The following WDR97 variants were observed in gnomAD, a reference collection of about 807,000 sequenced individuals.
The protein encoded by WDR97 is WD repeat-containing protein 97.
WDR97 carries 111 observed loss-of-function variants against 65.4 expected under a neutral mutation model. The observed-to-expected ratio is 1.70, with a 90% CI of 1.45 to 1.99. WDR97 has a LOEUF of 1.99. Among genes scored for constraint, WDR97 ranks in the 30% most tolerant of loss-of-function variants. The pLI, the probability that WDR97 is intolerant of heterozygous loss-of-function variation, is 0.00. For synonymous variants in WDR97, 802 were observed against 397.7 expected (o/e 2.02, Z -12.10); for missense variants, 1,674 against 865.0 (o/e 1.94, Z -11.73).
At position 144,109,633 on chromosome 8, in the gene WDR97, G is replaced by A. The variant is rs1168839752; in HGVS notation, c.1299G>A (p.Ala433=). ...AKVLHVQVAP[A]LPAPAHQSLP... ...TGCTCCACGTGCAGGTGGCGCCCGC[G>A]TTGCCCGCGCCTGCGCACCAGTCGC... Residue 433 remains alanine (A), a synonymous_variant, in exon 5 of 24, where the codon GCG becomes GCA. Coordinates refer to ENST00000323662, the MANE Select transcript of WDR97 (RefSeq NM_001316309.2). 2 of 679,084 alleles carry A rather than the reference G, an allele frequency of 2.9e-6. No individual in the cohort carries two copies. The highest frequency in any genetic ancestry group is 2.8e-5 in the East Asian group (1 of 35,626). The allele number at this position is 679,084 out of a possible 1,614,324, so 42.1% of individuals were successfully genotyped here. A position where few individuals can be genotyped will look rare whatever the true frequency, so the allele number is the denominator to read the frequency against.
chr8:144,112,326 C>A lies in WDR97; in HGVS notation c.2998C>A (p.Pro1000Thr), dbSNP rs1836567729. The part of the protein sequence containing the change: ...RGRTTMALDL[P>T]SSHLQCRIPL... ...GAGGACGACCATGGCCCTGGACCTG[C>A]CATCCTCCCACTTGCAGTGCAGGGT... Residue 1000 changes from proline to threonine, a missense_variant, in exon 14 of 24, where the codon CCA (proline) becomes ACA (threonine). Pro to Thr is a conservative substitution (Grantham distance 38). Coordinates refer to ENST00000323662, the MANE Select transcript of WDR97 (RefSeq NM_001316309.2). 1 of 702,620 alleles carries A rather than the reference C, an allele frequency of 1.4e-6. No homozygotes were observed. 43.5% of individuals were successfully genotyped at this position (702,620 alleles called of 1,614,324 possible).
chr8:144,110,291 C>T, intron 6 of WDR97, 35 bp downstream of exon 6: 1 of 702,086 alleles, frequency 1.4e-6, no homozygotes, highest in Non-Finnish European at 2.6e-6. Flanking sequence ...CAGGCCGCCA[C>T]AGAGCCCCCT....
In WDR97 at chr8:144,115,349, A is replaced by G; in HGVS notation, c.4086A>G (p.Pro1362=). 3 of 599,776 alleles carry G rather than the reference A, an allele frequency of 5.0e-6. No homozygotes were observed. Among genetic ancestry groups the G allele is most frequent in the Non-Finnish European group, 9.0e-6 (3 of 333,838 alleles). 37.2% of individuals were successfully genotyped at this position (599,776 alleles called of 1,614,324 possible). ...TTTCCTCTCCTCCCAAGGAGACCCC[A>G]TCGCAGACGTCAGTGGTCTCTGGGG... is the stretch of plus-strand genomic sequence containing the variant. ...EDMIQELQET[P]SQTSVVSGAP... is the part of the protein sequence containing the mutation. Residue 1362 remains proline (P), a synonymous_variant, in exon 22 of 24, where the codon CCA becomes CCG. Coordinates refer to ENST00000323662, the MANE Select transcript of WDR97 (RefSeq NM_001316309.2).
rs1836571732 is a variant in WDR97 at position 144,112,499 on chromosome 8, G to T, written c.3074G>T (p.Gly1025Val). 1 of 702,534 alleles carries T rather than the reference G, an allele frequency of 1.4e-6. No homozygotes were observed. The highest frequency in any genetic ancestry group is 2.6e-6 in the Non-Finnish European group (1 of 384,944). The allele number at this position is 702,534 out of a possible 1,614,324, so 43.5% of individuals were successfully genotyped here. ...WDKEPLSSLR[G>V]FFPATVQPHK... ...AAGGAACCTCTCTCTAGCCTCAGGGGCTTCTTTCCTGCCACCGTGCAGCCC... is the reference window on the plus strand; with the variant it reads ...AAGGAACCTCTCTCTAGCCTCAGGGTCTTCTTTCCTGCCACCGTGCAGCCC... The change falls in exon 15 of 24, where the codon GGC becomes GTC. Residue 1025 changes from glycine to valine, a missense_variant. Coordinates refer to ENST00000323662, the MANE Select transcript of WDR97 (RefSeq NM_001316309.2).
Position 144,110,010 on chromosome 8 carries a change from C to T in WDR97, c.1676C>T (p.Ala559Val), listed in dbSNP as rs1372299708. 1.4e-6 allele frequency: 1 copy of T among 697,940 alleles called. No individual in the cohort carries two copies. Among genetic ancestry groups the T allele is most frequent in the Non-Finnish European group, 2.6e-6 (1 of 381,778 alleles). 43.2% of individuals were successfully genotyped at this position (697,940 alleles called of 1,614,324 possible). ...HWGELRCSSV[A>V]CAWKNKNRYL... Reference sequence around the variant, plus strand: ...GGCGAGTTGCGCTGCAGCTCTGTGGCCTGCGCCTGGAAGAACAAGAACCGG... The same window carrying T: ...GGCGAGTTGCGCTGCAGCTCTGTGGTCTGCGCCTGGAAGAACAAGAACCGG... Residue 559 changes from alanine (A) to valine (V), a missense_variant, in exon 5 of 24, where the codon GCC becomes GTC. Coordinates refer to ENST00000323662, the MANE Select transcript of WDR97 (RefSeq NM_001316309.2).
chr8:144,108,559 C>T lies in WDR97; in HGVS notation c.493C>T (p.Arg165Cys), dbSNP rs1458229095. 8.6e-6 allele frequency: 6 copies of T among 700,830 alleles called. No individual in the cohort carries two copies. The highest frequency in any genetic ancestry group is 1.6e-5 in the Non-Finnish European group (6 of 384,474). 43.4% of individuals were successfully genotyped at this position (700,830 alleles called of 1,614,324 possible). ...TVLGPLGAVG[R>C]FVGWGPAGLA... ...GCTGGGCCCGCTGGGTGCCGTGGGCCGTTTTGTAGGCTGGGGCCCCGCGGG... is the reference window on the plus strand; with the variant it reads ...GCTGGGCCCGCTGGGTGCCGTGGGCTGTTTTGTAGGCTGGGGCCCCGCGGG... Residue 165 changes from arginine to cysteine, a missense_variant, in exon 3 of 24, where the codon CGT (arginine) becomes TGT (cysteine). By Grantham distance (180) the Arg-to-Cys change is radical. Coordinates refer to ENST00000323662, the MANE Select transcript of WDR97 (RefSeq NM_001316309.2).
Position 144,112,039 on chromosome 8 carries a change from G to C in WDR97, c.2790G>C (p.Leu930=). The C allele has an allele frequency of 2.8e-6, 2 of 702,564 alleles. No individual in the cohort carries two copies. The highest frequency in any genetic ancestry group is 2.7e-5 in the East Asian group (1 of 37,286). 43.5% of individuals were successfully genotyped at this position (702,564 alleles called of 1,614,324 possible). A position where few individuals can be genotyped will look rare whatever the true frequency, so the allele number is the denominator to read the frequency against. Residue 930 remains leucine (L), a synonymous_variant, in exon 13 of 24, where the codon CTG becomes CTC. Transcript: ENST00000323662. ...STAAQTVPTA[L]SPQDLGALGQ... ...CAGCCCAAACAGTGCCAACAGCCCT[G>C]TCCCCACAGGACCTGGGAGCCCTGG...
chr8:144,114,659 T>C lies in WDR97; in HGVS notation c.3898T>C (p.Ser1300Pro). The C allele has an allele frequency of 2.8e-6, 2 of 702,728 alleles. No individual in the cohort carries two copies. Among genetic ancestry groups the C allele is most frequent in the South Asian group, 3.0e-5 (2 of 67,602 alleles). The allele number at this position is 702,728 out of a possible 1,614,324, so 43.5% of individuals were successfully genotyped here. The change falls in exon 20 of 24, where the codon TCT becomes CCT. Residue 1300 changes from serine (S) to proline (P), a missense_variant. Transcript: ENST00000323662. ...VLELMSYFLY[S>P]PVHCRPELKK... Reference sequence around the variant, plus strand: ...GGAGCTCATGTCCTACTTCCTCTACTCTCCCGTGCACTGCCGGTGAGTTGC... The same window carrying C: ...GGAGCTCATGTCCTACTTCCTCTACCCTCCCGTGCACTGCCGGTGAGTTGC...
rs1335148149 is a variant in WDR97 at position 144,109,847 on chromosome 8, C to T, written c.1513C>T (p.Arg505Cys). ...GCACCTGGTCCGCGCCAACGCGGCGCGCTGCCCCATGAGCGTGCTGCACCG... is the reference window on the plus strand; with the variant it reads ...GCACCTGGTCCGCGCCAACGCGGCGTGCTGCCCCATGAGCGTGCTGCACCG... ...AGHLVRANAA[R>C]CPMSVLHRVC... is the part of the protein sequence containing the mutation. The change falls in exon 5 of 24, where the codon CGC (arginine) becomes TGC (cysteine). Residue 505 changes from arginine to cysteine, a missense_variant. By Grantham distance (180) the Arg-to-Cys change is radical. Coordinates refer to ENST00000323662, the MANE Select transcript of WDR97 (RefSeq NM_001316309.2). 1.4e-6 allele frequency: 1 copy of T among 695,802 alleles called. No individual in the cohort carries two copies. Among genetic ancestry groups the T allele is most frequent in the East Asian group, 2.7e-5 (1 of 36,944 alleles). The allele number at this position is 695,802 out of a possible 1,614,324, so 43.1% of individuals were successfully genotyped here. A position where few individuals can be genotyped will look rare whatever the true frequency, so the allele number is the denominator to read the frequency against.
In WDR97 at chr8:144,110,743, G is replaced by A. The variant is rs1587625041; in HGVS notation, c.2171+4G>A. On this transcript the variant is annotated splice_donor_region_variant and intron_variant, in intron 8 of 23. Coordinates refer to ENST00000323662, the MANE Select transcript of WDR97 (RefSeq NM_001316309.2). The stretch of plus-strand genomic sequence containing the variant: ...CTGCTGAGAACCGCCTCCTGCGGTA[G>A]GCTAGGAGGTGGGGAGGGCTGGGGT... 1.4e-6 allele frequency: 1 copy of A among 702,816 alleles called. No individual in the cohort carries two copies. The highest frequency in any genetic ancestry group is 2.6e-6 in the Non-Finnish European group (1 of 384,922). 43.5% of individuals were successfully genotyped at this position (702,816 alleles called of 1,614,324 possible). A position where few individuals can be genotyped will look rare whatever the true frequency, so the allele number is the denominator to read the frequency against.
Position 144,114,929 on chromosome 8 carries a change from C to T in WDR97, c.4077+18C>T, listed in dbSNP as rs749889078. 1.0e-5 allele frequency: 7 copies of T among 672,764 alleles called. No homozygotes were observed. Among genetic ancestry groups the T allele is most frequent in the East Asian group, 8.1e-5 (3 of 37,104 alleles). 41.7% of individuals were successfully genotyped at this position (672,764 alleles called of 1,614,324 possible). ...AGCTTCAGGTTGGGCCGGCAGGGGC[C>T]GGGGGGGCCTTGGGAACCCTGTTGC... On this transcript the variant is annotated intron_variant, in intron 21 of 23. Coordinates refer to ENST00000323662, the MANE Select transcript of WDR97 (RefSeq NM_001316309.2).
chr8:144,108,065 C>T lies in WDR97; in HGVS notation c.119C>T (p.Thr40Ile). The change falls in exon 2 of 24, where the codon ACT becomes ATT. Residue 40 changes from threonine to isoleucine, a missense_variant. Transcript: ENST00000323662. ...PGLLTEKNEL[T>I]FTEPSQVLPF... ...TTCCAGTTCCTGCCCGCAGAGTTGA[C>T]TTTCACGGAGCCGTCGCAGGTCCTG... 1 of 702,796 alleles carries T rather than the reference C, an allele frequency of 1.4e-6. No homozygotes were observed. Among genetic ancestry groups the T allele is most frequent in the Non-Finnish European group, 2.6e-6 (1 of 385,014 alleles). The allele number at this position is 702,796 out of a possible 1,614,324, so 43.5% of individuals were successfully genotyped here.
Position 144,115,455 on chromosome 8 carries a change from G to A in WDR97, c.4192G>A (p.Glu1398Lys). The A allele has an allele frequency of 1.4e-6, 1 of 694,408 alleles. No individual in the cohort carries two copies. The allele number at this position is 694,408 out of a possible 1,614,324, so 43.0% of individuals were successfully genotyped here. A position where few individuals can be genotyped will look rare whatever the true frequency, so the allele number is the denominator to read the frequency against. Residue 1398 changes from glutamate (E) to lysine (K), a missense_variant, in exon 22 of 24, where the codon GAG becomes AAG. Transcript: ENST00000323662. ...GIFGRLSQVSEVPLMVVSPAE... is the reference protein window; with the variant it reads ...GIFGRLSQVSKVPLMVVSPAE... The stretch of plus-strand genomic sequence containing the variant: ...CTTCGGGAGGCTCTCGCAGGTCTCA[G>A]AGGTGCCTTTGATGGTGGTCTCACC...
rs1323610287 is a variant in WDR97, at chr8:144,115,289, G to A, written c.4078-52G>A. 8.7e-6 allele frequency: 5 copies of A among 573,276 alleles called. No individual in the cohort carries two copies. In the Admixed American group the frequency reaches 1.0e-4, roughly 12 times the overall value. 35.5% of individuals were successfully genotyped at this position (573,276 alleles called of 1,614,324 possible). A position where few individuals can be genotyped will look rare whatever the true frequency, so the allele number is the denominator to read the frequency against. ...AGCCACTGTCTGCAGCCAAGTTGCT[G>A]GTGGTGCTGCCCAAGGTCTCTAAGA... On this transcript the variant is annotated intron_variant, in intron 21 of 23. Coordinates refer to ENST00000323662, the MANE Select transcript of WDR97 (RefSeq NM_001316309.2).
Position 144,115,612 on chromosome 8 carries a change from A to C in WDR97, c.4349A>C (p.Glu1450Ala), listed in dbSNP as rs1836635908. ...CTGAAGAGCTTCTGCCTGGAGCCCG[A>C]GGCCCGCCTGCACCCTGCCGGGCCT... ...ETLKSFCLEPEARLHPAGPAQ... is the reference protein window; with the variant it reads ...ETLKSFCLEPAARLHPAGPAQ... Residue 1450 changes from glutamate to alanine, a missense_variant, in exon 22 of 24, where the codon GAG becomes GCG. Transcript: ENST00000323662. 1 of 682,488 alleles carries C rather than the reference A, an allele frequency of 1.5e-6. No individual in the cohort carries two copies. Among genetic ancestry groups the C allele is most frequent in the Non-Finnish European group, 2.7e-6 (1 of 372,704 alleles). The allele number at this position is 682,488 out of a possible 1,614,324, so 42.3% of individuals were successfully genotyped here.
rs891210739 is a variant in WDR97 at position 144,115,674 on chromosome 8, A to C, written c.4411A>C (p.Thr1471Pro). 1 of 698,656 alleles carries C rather than the reference A, an allele frequency of 1.4e-6. No individual in the cohort carries two copies. The highest frequency in any genetic ancestry group is 1.8e-5 in the African/African-American group (1 of 57,084). The allele number at this position is 698,656 out of a possible 1,614,324, so 43.3% of individuals were successfully genotyped here. The change falls in exon 22 of 24, where the codon ACC becomes CCC. Residue 1471 changes from threonine to proline, a missense_variant. Coordinates refer to ENST00000323662, the MANE Select transcript of WDR97 (RefSeq NM_001316309.2). Reference sequence around the variant, plus strand: ...CGGAGAGCCGCCGCCGCTGGAGGAGACCGACTGGTCGCACTCGCAGCTGCT... The same window carrying C: ...CGGAGAGCCGCCGCCGCTGGAGGAGCCCGACTGGTCGCACTCGCAGCTGCT... ...LPGEPPPLEE[T>P]DWSHSQLLDL...
At position 144,109,935 on chromosome 8, in the gene WDR97, C is replaced by A. The variant is rs1020178426; in HGVS notation, c.1601C>A (p.Thr534Lys). 7.1e-6 allele frequency: 5 copies of A among 702,056 alleles called. No homozygotes were observed. The African/African-American group carries it at 8.7e-5, about 12-fold the overall frequency. The allele number at this position is 702,056 out of a possible 1,614,324, so 43.5% of individuals were successfully genotyped here. ...PCCLHLYSHL[T>K]DLEGAFSSWE... The stretch of plus-strand genomic sequence containing the variant: ...TGTCTGCACCTGTACAGCCACCTCA[C>A]GGATCTCGAAGGCGCCTTCTCCTCC... The change falls in exon 5 of 24, where the codon ACG (threonine) becomes AAG (lysine). Residue 534 changes from threonine to lysine, a missense_variant. Thr to Lys is a moderately conservative substitution (Grantham distance 78, BLOSUM62 -1). Transcript: ENST00000323662.
Position 144,108,692 on chromosome 8 carries a change from G to A in WDR97, c.626G>A (p.Arg209Lys). The A allele has an allele frequency of 2.9e-6, 2 of 700,954 alleles. No homozygotes were observed. The highest frequency in any genetic ancestry group is 5.2e-6 in the Non-Finnish European group (2 of 384,534). The allele number at this position is 700,954 out of a possible 1,614,324, so 43.4% of individuals were successfully genotyped here. A position where few individuals can be genotyped will look rare whatever the true frequency, so the allele number is the denominator to read the frequency against. The change falls in exon 3 of 24, where the codon AGG becomes AAG. Residue 209 changes from arginine (R) to lysine (K), a missense_variant. Transcript: ENST00000323662. ...TGCTGCCTGCCGGTTCCCGACCTCA[G>A]GCTGCTGCTCGTTGCGGAGATGAAC... ...PTCCLPVPDL[R>K]LLLVAEMNSS...
chr8:144,109,490 G>A lies in WDR97; in HGVS notation c.1156G>A (p.Gly386Ser). The change falls in exon 5 of 24, where the codon GGC becomes AGC. Residue 386 changes from glycine to serine, a missense_variant. Transcript: ENST00000323662. ...WGQDKLSRRV[G>S]RLLAPVRPGW... is the part of the protein sequence containing the mutation. ...CCAGGACAAGCTGTCCCGGCGCGTG[G>A]GCCGTCTGCTGGCGCCGGTGCGCCC... 1.4e-6 allele frequency: 1 copy of A among 697,216 alleles called. No homozygotes were observed. The highest frequency in any genetic ancestry group is 2.7e-5 in the East Asian group (1 of 37,080). The allele number at this position is 697,216 out of a possible 1,614,324, so 43.2% of individuals were successfully genotyped here. A position where few individuals can be genotyped will look rare whatever the true frequency, so the allele number is the denominator to read the frequency against.
Sources: allele counts gnomAD v4.1 joint callset, GRCh38; gene constraint gnomAD v4.1.1; transcripts MANE v1.5; gene names NCBI Gene and HGNC (gene_info 2026-07-23, HGNC 2026-07-21).